Variants in MTUS2 observed in about 807,000 individuals in gnomAD.
The protein encoded by MTUS2 is microtubule associated scaffold protein 2.
Under a neutral mutation model 114.1 loss-of-function variants are expected in MTUS2, and 40 were observed. That is an observed-to-expected ratio of 0.35 (90% CI 0.27 to 0.46). The LOEUF is 0.46. MTUS2 is among the 20% of genes least tolerant of loss of function. MTUS2 has a pLI of 1.00. For synonymous variants in MTUS2, 688 were observed against 672.0 expected (o/e 1.02, Z -0.37); for missense variants, 1,679 against 1,705.4 (o/e 0.98, Z 0.27).
chr13:29,084,824 AG>A (rs34658353), intron 4 of MTUS2, among the ~76,000 whole-genome samples: 66,557 of 143,000 alleles, frequency 0.47, 16,001 homozygotes, highest in Non-Finnish European at 0.52. Flanking sequence ...CTGGGATTAC[AG>A]GCATGAGCTA....
At chr13:28,943,362 C>G (rs977125441) in intron 2 of MTUS2, among the ~76,000 whole-genome samples, 4 of 152,150 alleles carry the variant, frequency 2.6e-5, no homozygotes, top group African/African-American at 9.7e-5. Context: ...ACAAAGTGAA[C>G]CCCATCAGGA....
At chr13:29,129,931 G>A (rs895678354) in intron 5 of MTUS2, among the ~76,000 whole-genome samples, 1 of 152,106 alleles carries the variant, frequency 6.6e-6, no homozygotes, top group African/African-American at 2.4e-5. Context: ...TTACACTTAG[G>A]TGAAACCCCA....
chr13:29,259,836 G>A (rs1340920697), intron 5 of MTUS2, among the ~76,000 whole-genome samples: 1 of 152,178 alleles, frequency 6.6e-6, no homozygotes, highest in Admixed American at 6.5e-5. Context: ...TCTTTAGTGT[G>A]TACCACGTGT....
chr13:28,913,520 T>G (rs894056588), intron 2 of MTUS2, among the ~76,000 whole-genome samples: 1 of 152,172 alleles, frequency 6.6e-6, no homozygotes, highest in African/African-American at 2.4e-5. Flanking sequence ...TTTGCCAGTA[T>G]TTTATTCAGG....
At chr13:28,874,906 G>T (rs1172226039) in intron 2 of MTUS2, among the ~76,000 whole-genome samples, 1 of 152,092 alleles carries the variant, frequency 6.6e-6, no homozygotes, top group Non-Finnish European at 1.5e-5. Context: ...TCTTGATTTG[G>T]TATCAATTAT....
chr13:28,836,214 G>T (rs1023383125), intron 1 of MTUS2, among the ~76,000 whole-genome samples: 31 of 151,994 alleles, frequency 2.0e-4, no homozygotes, highest in African/African-American at 7.2e-4. Flanking sequence ...ATTTTTTCAT[G>T]TTGAATCCTC....
intron 9 of MTUS2, among the ~76,000 whole-genome samples, chr13:29,446,430 CTT>C (rs377220581): frequency 5.3e-5 from 8 of 152,278 alleles, no homozygotes; most frequent in African/African-American, 1.9e-4. Flanking sequence ...AGAGGAAAAA[CTT>C]TGCACACATT....
intron 9 of MTUS2, among the ~76,000 whole-genome samples, chr13:29,444,996 C>T (rs1281043488): frequency 1.3e-5 from 2 of 152,138 alleles, no homozygotes; most frequent in African/African-American, 4.8e-5. Context: ...AAAGTAATCC[C>T]CAGTACATTT....
In MTUS2 at chr13:29,116,702, G is replaced by A. The variant is rs149727638; in HGVS notation, c.2644+15732G>A. ...GTTCCTTGAACACAGGCACTAAGAC[G>A]CCGCCACAGTCCATCTGATCACTGA... is the stretch of plus-strand genomic sequence containing the variant. On this transcript the variant is annotated intron_variant, in intron 5 of 15. Transcript: ENST00000612955. Among the ~76,000 whole-genome samples the A allele has an allele frequency of 8.5e-3, 1,292 of 152,154 alleles. 17 individuals carry two copies. The highest frequency in any genetic ancestry group is 0.024 in the Middle Eastern group (7 of 294).
chr13:28,821,423 CTA>C (rs1873893877), intron 1 of MTUS2, among the ~76,000 whole-genome samples: 1 of 152,158 alleles, frequency 6.6e-6, no homozygotes, highest in African/African-American at 2.4e-5. Flanking sequence ...AGTTTTCAAA[CTA>C]TTGAATGATT....
At chr13:28,825,263 T>A (rs1244083319) in intron 1 of MTUS2, among the ~76,000 whole-genome samples, 1 of 152,076 alleles carries the variant, frequency 6.6e-6, no homozygotes, top group African/African-American at 2.4e-5. Context: ...CAATGATGGC[T>A]CCCACTGGTT....
chr13:29,467,932 C>T (rs73446158), intron 9 of MTUS2, among the ~76,000 whole-genome samples: 3,503 of 151,672 alleles, frequency 0.023, 118 homozygotes, highest in African/African-American at 0.076. Context: ...TGAGGCAACA[C>T]TGAGAAACCC....
chr13:29,050,350 A>T (rs1887834735), intron 4 of MTUS2, among the ~76,000 whole-genome samples: 1 of 152,130 alleles, frequency 6.6e-6, no homozygotes, highest in Non-Finnish European at 1.5e-5. Context: ...CAACAGAGAC[A>T]TTTAAGAAGC....
At chr13:29,392,192 A>G (rs1390330978) in intron 8 of MTUS2, among the ~76,000 whole-genome samples, 3 of 151,576 alleles carry the variant, frequency 2.0e-5, no homozygotes, top group Non-Finnish European at 4.4e-5. Flanking sequence ...TCCAAACTGA[A>G]ACTTTGTACC....
intron 6 of MTUS2, among the ~76,000 whole-genome samples, chr13:29,286,648 A>ATCTGTCTGTCTGTCTGTCTG (rs908168290): frequency 2.3e-4 from 34 of 146,062 alleles, no homozygotes; most frequent in African/African-American, 8.5e-4. Context: ...TGCACTATCT[A>ATCTGTCTGTCTGTCTGTCTG]TCTGTCTGTC....
At chr13:29,031,675 T>A (rs2138512611) in intron 3 of MTUS2, among the ~76,000 whole-genome samples, 1 of 152,136 alleles carries the variant, frequency 6.6e-6, no homozygotes, top group East Asian at 1.9e-4. Flanking sequence ...ATTCAAGGTC[T>A]GCTGATTTAA....
Position 29,033,981 on chromosome 13 carries a change from C to T in MTUS2, c.2302C>T (p.Pro768Ser), listed in dbSNP as rs768524157. ...TFYRSAMLLK[P>S]QLGLGAMSRL... ...CTATCGGTCAGCCATGCTCCTTAAG[C>T]CCCAGCTAGGATTGGGTGCAATGTC... Residue 768 changes from proline (P) to serine (S), a missense_variant, in exon 4 of 16, where the codon CCC becomes TCC. By Grantham distance (74) the Pro-to-Ser change is moderately conservative. Coordinates refer to ENST00000612955, the MANE Select transcript of MTUS2 (RefSeq NM_001033602.4). 6.2e-7 allele frequency: 1 copy of T among 1,613,950 alleles called. No individual in the cohort carries two copies. Among genetic ancestry groups the T allele is most frequent in the Non-Finnish European group, 8.5e-7 (1 of 1,179,870 alleles).
chr13:29,300,620 A>G (rs994675698), intron 6 of MTUS2, among the ~76,000 whole-genome samples: 34 of 151,594 alleles, frequency 2.2e-4, no homozygotes, highest in Non-Finnish European at 3.7e-4. Flanking sequence ...TTTCAGACTT[A>G]TATATTCTAC....
intron 2 of MTUS2, among the ~76,000 whole-genome samples, chr13:28,958,111 T>G (rs973480188): frequency 7.9e-5 from 12 of 152,176 alleles, no homozygotes; most frequent in Admixed American, 6.5e-4. Context: ...AGTAATAAAG[T>G]AAGAAAAAAT....
Sources: gnomAD v4.1 joint callset for allele counts (sites outside exome capture counted in the v4.1 genomes callset) on GRCh38, gnomAD v4.1.1 for gene constraint, MANE v1.5 for transcripts, NCBI Gene and HGNC (gene_info 2026-07-23, HGNC 2026-07-21) for gene names.